Variants in SPATS2 observed in about 807,000 individuals in gnomAD.
The protein encoded by SPATS2 is spermatogenesis-associated serine-rich protein 2.
A neutral mutation model predicts 63.7 loss-of-function variants in SPATS2; 38 were observed. That is an observed-to-expected ratio of 0.60 (90% CI 0.46 to 0.78). The LOEUF (loss-of-function observed/expected upper bound fraction) is 0.78. Among genes scored for constraint, SPATS2 ranks in the 30% least tolerant of loss-of-function variants. The probability of loss-of-function intolerance (pLI) is 0.00; values close to 1 mark genes in which losing one functional copy is unlikely to be tolerated. For missense variants in SPATS2, 588 were observed against 666.2 expected, an observed-to-expected ratio of 0.88 and a Z score of 1.29; for synonymous variants, 207 against 232.9, an observed-to-expected ratio of 0.89 and a Z score of 1.01.
At chr12:49,464,535 G>A (rs967316718) in intron 3 of SPATS2, among the ~76,000 whole-genome samples, 2 of 151,486 alleles carry the variant, frequency 1.3e-5, no homozygotes, top group African/African-American at 4.9e-5. Flanking sequence ...GCTGAGGCAG[G>A]AGAATCGCTT....
chr12:49,386,644 A>G (rs1030765572), intron 2 of SPATS2, among the ~76,000 whole-genome samples: 2 of 152,192 alleles, frequency 1.3e-5, no homozygotes, highest in African/African-American at 4.8e-5. Flanking sequence ...AGGGAGTGGT[A>G]TAATATACTG....
chr12:49,426,799 T>A (rs544731528), intron 2 of SPATS2, among the ~76,000 whole-genome samples: 3 of 152,370 alleles, frequency 2.0e-5, no homozygotes, highest in Admixed American at 2.0e-4. Flanking sequence ...CGCCTCGGCC[T>A]CCCAAAGTGC....
chr12:49,457,515 C>A (rs1364103918), intron 2 of SPATS2, among the ~76,000 whole-genome samples: 1 of 151,890 alleles, frequency 6.6e-6, no homozygotes, highest in East Asian at 1.9e-4. Flanking sequence ...CTCACTGCAA[C>A]CTCCGCCTCC....
At chr12:49,376,551 C>T (rs1235048809) in intron 2 of SPATS2, among the ~76,000 whole-genome samples, 2 of 151,686 alleles carry the variant, frequency 1.3e-5, no homozygotes, top group African/African-American at 2.4e-5. Context: ...CTCGTACCAC[C>T]ATGCCCTGCT....
chr12:49,416,193 G>A (rs1458684638), intron 2 of SPATS2, among the ~76,000 whole-genome samples: 1 of 151,950 alleles, frequency 6.6e-6, no homozygotes, highest in African/African-American at 2.4e-5. Flanking sequence ...TCTTTTTTAG[G>A]GTTTCTCTTG....
At chr12:49,425,689 G>A (rs1029178281) in intron 2 of SPATS2, among the ~76,000 whole-genome samples, 1 of 151,768 alleles carries the variant, frequency 6.6e-6, no homozygotes, top group Admixed American at 6.6e-5. Context: ...GAGTGCAGTG[G>A]CACGATCTCA....
At chr12:49,371,193 A>C (rs537373921) in intron 1 of SPATS2, 35 bp from the exon 2 acceptor site, 1 of 152,318 alleles carries the variant, frequency 6.6e-6, no homozygotes, top group East Asian at 1.9e-4. Flanking sequence ...TATATCTATT[A>C]AACAATAATT....
intron 2 of SPATS2, chr12:49,389,829 C>G (rs1044762587): frequency 3.3e-6 from 3 of 910,232 alleles, no homozygotes; most frequent in African/African-American, 3.3e-5. Context: ...GAGCAAGTAT[C>G]GAGAACAAAT....
At chr12:49,382,571 G>A (rs568563442) in intron 2 of SPATS2, among the ~76,000 whole-genome samples, 1 of 152,204 alleles carries the variant, frequency 6.6e-6, no homozygotes, top group African/African-American at 2.4e-5. Flanking sequence ...CCTAACACTA[G>A]CCCTTTCCAA....
At chr12:49,434,884 C>A (rs1945245933) in intron 2 of SPATS2, among the ~76,000 whole-genome samples, 1 of 152,032 alleles carries the variant, frequency 6.6e-6, no homozygotes, top group Admixed American at 6.6e-5. Context: ...TTTTTATTTT[C>A]TTTTAATACA....
chr12:49,405,862 AC>A (rs1244574392), intron 2 of SPATS2, among the ~76,000 whole-genome samples: 1 of 152,228 alleles, frequency 6.6e-6, no homozygotes, highest in African/African-American at 2.4e-5. Context: ...TGAGGATAAC[AC>A]ATATATAAAT....
chr12:49,519,303 C>A, intron 11 of SPATS2, 121 bp downstream of exon 11: 1 of 738,698 alleles, frequency 1.4e-6, no homozygotes, highest in Non-Finnish European at 2.1e-6. Flanking sequence ...CCAAACCTGG[C>A]CCTCTTCCAA....
intron 2 of SPATS2, among the ~76,000 whole-genome samples, chr12:49,418,500 A>T (rs573900068): frequency 6.6e-6 from 1 of 152,162 alleles, no homozygotes; most frequent in African/African-American, 2.4e-5. Context: ...GGGTTTCGCC[A>T]TGTTGGGCAG....
At chr12:49,517,272 C>G (rs1427182113) in intron 10 of SPATS2, among the ~76,000 whole-genome samples, 1 of 152,160 alleles carries the variant, frequency 6.6e-6, no homozygotes, top group Non-Finnish European at 1.5e-5. Context: ...GCTCCTGACT[C>G]CTGAGAAAGT....
intron 2 of SPATS2, among the ~76,000 whole-genome samples, chr12:49,374,344 G>T (rs1944055435): frequency 6.6e-6 from 1 of 152,018 alleles, no homozygotes; most frequent in Non-Finnish European, 1.5e-5. Context: ...GCCCAGGCTG[G>T]TCTTGAACTT....
intron 10 of SPATS2, 123 bp from the exon 11 acceptor site, chr12:49,518,950 T>C (rs1196521853): frequency 1.7e-6 from 1 of 587,924 alleles, no homozygotes; most frequent in African/African-American, 1.9e-5. Flanking sequence ...TATTTTCATT[T>C]TCTGGGTGGA....
intron 3 of SPATS2, among the ~76,000 whole-genome samples, chr12:49,466,011 C>CT (rs750603483): frequency 2.2e-3 from 301 of 139,556 alleles, no homozygotes; most frequent in Admixed American, 3.2e-3. Flanking sequence ...CCCAATTTAT[C>CT]TTTTTTTTTT....
chr12:49,391,178 TA>T (rs1263638035), intron 2 of SPATS2, among the ~76,000 whole-genome samples: 1 of 152,220 alleles, frequency 6.6e-6, no homozygotes, highest in African/African-American at 2.4e-5. Flanking sequence ...AGAGGTGGGG[TA>T]ATCTGTGGAT....
chr12:49,382,853 C>A (rs1032659853), intron 2 of SPATS2, among the ~76,000 whole-genome samples: 3 of 151,858 alleles, frequency 2.0e-5, no homozygotes, highest in Non-Finnish European at 2.9e-5. Context: ...TACAGGTGCA[C>A]GCCACCATGC....
Sources: allele counts gnomAD v4.1 joint callset (sites outside exome capture counted in the v4.1 genomes callset), GRCh38; gene constraint gnomAD v4.1.1; transcripts MANE v1.5; gene names NCBI Gene and HGNC (gene_info 2026-07-23, HGNC 2026-07-21).